The following SMARCAL1 variants were observed in gnomAD, a reference collection of about 807,000 sequenced individuals.
The protein encoded by SMARCAL1 is ATP-driven annealing helicase.
Under a neutral mutation model 94.5 loss-of-function variants are expected in SMARCAL1, and 58 were observed. The observed-to-expected ratio is 0.61, with a 90% CI of 0.50 to 0.76. SMARCAL1 has a LOEUF of 0.76. Ranked by LOEUF, SMARCAL1 falls within the 30% of genes least tolerant of loss-of-function variation. SMARCAL1 has a pLI of 0.00. For missense variants in SMARCAL1, 1,051 were observed against 1,177.9 expected, an observed-to-expected ratio of 0.89 and a Z score of 1.58; for synonymous variants, 422 against 455.1, an observed-to-expected ratio of 0.93 and a Z score of 0.93.
intron 11 of SMARCAL1, 91 bp downstream of exon 11, chr2:216,447,249 G>A (rs1694339064): frequency 6.7e-7 from 1 of 1,483,666 alleles, no homozygotes; most frequent in African/African-American, 1.4e-5. Flanking sequence ...CCATGATATG[G>A]TCAGAAGAGC....
intron 3 of SMARCAL1, 158 bp from the exon 4 acceptor site, chr2:216,416,099 A>G: frequency 1.5e-6 from 1 of 687,018 alleles, no homozygotes; most frequent in Middle Eastern, 2.5e-4. Context: ...ATCTATATTT[A>G]CTATTTGTCC....
Position 216,441,836 on chromosome 2 carries a change from CTT to C in SMARCAL1, c.1710+3354_1710+3355del, listed in dbSNP as rs547548469. Among the ~76,000 whole-genome samples, 151 of 152,198 alleles carry C rather than the reference CTT, an allele frequency of 9.9e-4. 2 individuals are homozygous for C. The highest frequency in any genetic ancestry group is 3.4e-3 in the African/African-American group (141 of 41,516). ...CTCCGCCCTCAGGATTACTGGCACT[CTT>C]TTAAACAGTGAGGTGTGTGTTTGGG... On this transcript the variant is annotated intron_variant, in intron 10 of 17. Transcript: ENST00000357276.
rs1694058200 is a variant in SMARCAL1 at position 216,435,340 on chromosome 2, C to A, written c.1488C>A (p.Ala496=). 1 of 1,613,988 alleles carries A rather than the reference C, an allele frequency of 6.2e-7. No homozygotes were observed. Among genetic ancestry groups the A allele is most frequent in the African/African-American group, 1.3e-5 (1 of 74,910 alleles). The change falls in exon 9 of 18, where the codon GCC becomes GCA. Residue 496 remains alanine, a splice_region_variant and synonymous_variant. Coordinates refer to ENST00000357276, the MANE Select transcript of SMARCAL1 (RefSeq NM_014140.4). Reference sequence around the variant, plus strand: ...TTGTTCCCTCCTGTCATCCACAGGCCTTCCTTCGGTGGCTGCCATCTCTGA... The same window carrying A: ...TTGTTCCCTCCTGTCATCCACAGGCATTCCTTCGGTGGCTGCCATCTCTGA... The part of the protein sequence containing the change: ...PSSVRFTWEQ[A]FLRWLPSLSP...
chr2:216,465,200 C>T (rs886957415), intron 13 of SMARCAL1, among the ~76,000 whole-genome samples: 3 of 152,176 alleles, frequency 2.0e-5, no homozygotes, highest in Non-Finnish European at 2.9e-5. Flanking sequence ...GTTAATTACA[C>T]ACAAGGCATA....
chr2:216,427,625 A>C (rs1279495904), intron 6 of SMARCAL1, among the ~76,000 whole-genome samples: 1 of 152,202 alleles, frequency 6.6e-6, no homozygotes, highest in Non-Finnish European at 1.5e-5. Flanking sequence ...AACCTTCCCT[A>C]ATTTCTTCTC....
intron 13 of SMARCAL1, 79 bp downstream of exon 13, chr2:216,464,746 T>A: frequency 9.9e-7 from 1 of 1,010,574 alleles, no homozygotes; most frequent in Non-Finnish European, 1.6e-6. Flanking sequence ...TTATTCTGCC[T>A]GAATGATTTT....
At chr2:216,458,825 C>G (rs544353565) in intron 12 of SMARCAL1, among the ~76,000 whole-genome samples, 27 of 152,294 alleles carry the variant, frequency 1.8e-4, no homozygotes, top group African/African-American at 6.3e-4. Flanking sequence ...GTTGGAAGTT[C>G]TGGCCAGGGC....
intron 12 of SMARCAL1, among the ~76,000 whole-genome samples, chr2:216,452,055 A>T (rs562558579): frequency 1.3e-5 from 2 of 152,226 alleles, no homozygotes; most frequent in Non-Finnish European, 2.9e-5. Context: ...AGGATAGAGG[A>T]TGCACTGGCA....
At chr2:216,417,666 C>T (rs1290647570) in intron 4 of SMARCAL1, among the ~76,000 whole-genome samples, 4 of 151,942 alleles carry the variant, frequency 2.6e-5, no homozygotes, top group Non-Finnish European at 5.9e-5. Context: ...CAATTCAACC[C>T]ATAACGCTGC....
chr2:216,464,720 A>AC lies in SMARCAL1; in HGVS notation c.2141+53_2141+54insC, dbSNP rs199625205. On this transcript the variant is annotated intron_variant, in intron 13 of 17. Transcript: ENST00000357276. ...CTCTCTCTCATCTTCAAAAAAAAAA[A>AC]AAACAACTTATTACTTTATTCTGCC... is the stretch of plus-strand genomic sequence containing the variant. 2,776 of 1,241,768 alleles carry AC rather than the reference A, an allele frequency of 2.2e-3. 38 individuals carry two copies. The African/African-American group carries it at 0.036, about 16-fold the overall frequency. 76.9% of individuals were successfully genotyped at this position (1,241,768 alleles called of 1,614,324 possible).
chr2:216,459,125 A>G (rs1387945200), intron 12 of SMARCAL1, among the ~76,000 whole-genome samples: 1 of 152,170 alleles, frequency 6.6e-6, no homozygotes, highest in Non-Finnish European at 1.5e-5. Flanking sequence ...CCAACTTACA[A>G]GGGATGTGAA....
At chr2:216,448,758 G>A (rs558229939) in intron 11 of SMARCAL1, among the ~76,000 whole-genome samples, 1 of 152,166 alleles carries the variant, frequency 6.6e-6, no homozygotes, top group South Asian at 2.1e-4. Flanking sequence ...CTTCAACCCA[G>A]GAGGCAGAGG....
chr2:216,435,804 C>T (rs1468457768), intron 9 of SMARCAL1, among the ~76,000 whole-genome samples: 2 of 151,522 alleles, frequency 1.3e-5, no homozygotes, highest in Non-Finnish European at 2.9e-5. Flanking sequence ...GCATGTGGAC[C>T]CCAGGCCACC....
intron 5 of SMARCAL1, among the ~76,000 whole-genome samples, chr2:216,422,407 C>G (rs750943534): frequency 1.3e-5 from 2 of 152,140 alleles, no homozygotes; most frequent in Admixed American, 6.5e-5. Context: ...GTGTCTATCA[C>G]CAGCCTGTGA....
chr2:216,463,539 G>GAGT (rs1694755652), intron 12 of SMARCAL1, among the ~76,000 whole-genome samples: 4 of 152,150 alleles, frequency 2.6e-5, no homozygotes, highest in African/African-American at 9.7e-5. Context: ...TCTTACCAAT[G>GAGT]ATGGTAAGAG....
chr2:216,430,898 C>T (rs969137018), intron 7 of SMARCAL1, among the ~76,000 whole-genome samples: 10 of 152,348 alleles, frequency 6.6e-5, no homozygotes, highest in African/African-American at 2.4e-4. Flanking sequence ...CCCCATCTGT[C>T]TGTGTTGTGG....
intron 6 of SMARCAL1, chr2:216,427,039 A>C (rs1443564206): frequency 6.6e-6 from 1 of 152,202 alleles, no homozygotes; most frequent in Non-Finnish European, 1.5e-5. Context: ...AATTGGCATA[A>C]GTCCTTTTGT....
rs1693595431 is a variant in SMARCAL1, at chr2:216,416,114, C to T, written c.812-143C>T. On this transcript the variant is annotated intron_variant, in intron 3 of 17. Transcript: ENST00000357276. ...ATCTATATTTACTATTTGTCCTCTA[C>T]AGAGATTTTTATAGATCAGTGGGGG... 6.7e-6 allele frequency: 5 copies of T among 744,276 alleles called. No homozygotes were observed. In the Admixed American group the frequency reaches 9.2e-5, roughly 14 times the overall value. The allele number at this position is 744,276 out of a possible 1,614,324, so 46.1% of individuals were successfully genotyped here.
chr2:216,438,449 G>C lies in SMARCAL1; in HGVS notation c.1674G>C (p.Arg558Ser), dbSNP rs1364341252. ...IDESHFLKNS[R>S]TARCRAAMPV... Reference sequence around the variant, plus strand: ...AATCTCACTTCCTCAAAAACAGTAGGACTGCCCGCTGTCGAGCAGCTATGC... The same window carrying C: ...AATCTCACTTCCTCAAAAACAGTAGCACTGCCCGCTGTCGAGCAGCTATGC... The change falls in exon 10 of 18, where the codon AGG becomes AGC. Residue 558 changes from arginine to serine, a missense_variant. Physicochemically the swap from Arg to Ser is moderately radical, Grantham distance 110. Transcript: ENST00000357276. The C allele has an allele frequency of 6.2e-7, 1 of 1,614,034 alleles. No homozygotes were observed.
Sources: gnomAD v4.1 joint callset for allele counts (sites outside exome capture counted in the v4.1 genomes callset) on GRCh38, gnomAD v4.1.1 for gene constraint, MANE v1.5 for transcripts, NCBI Gene and HGNC (gene_info 2026-07-23, HGNC 2026-07-21) for gene names.